GLRB: variants seen among roughly 807,000 people sequenced by gnomAD.
The protein encoded by GLRB is glycine receptor subunit beta.
GLRB carries 33 observed loss-of-function variants against 54.2 expected under a neutral mutation model. The observed-to-expected ratio is 0.61, with a 90% confidence interval of 0.46 to 0.81. GLRB has a LOEUF of 0.81. Among genes scored for constraint, GLRB ranks in the 40% least tolerant of loss-of-function variants. The pLI is 0.00. For missense variants in GLRB, 572 were observed against 584.6 expected, an observed-to-expected ratio of 0.98 and a Z score of 0.22; for synonymous variants, 209 against 208.2, an observed-to-expected ratio of 1.00 and a Z score of -0.03.
intron 2 of GLRB, among the ~76,000 whole-genome samples, chr4:157,087,520 G>C (rs1331050621): frequency 6.6e-6 from 1 of 151,918 alleles, no homozygotes; most frequent in African/African-American, 2.4e-5. Context: ...TTATAATCAG[G>C]GTTAACTATT....
chr4:157,117,974 G>A (rs1427443740), intron 2 of GLRB, among the ~76,000 whole-genome samples: 1 of 151,546 alleles, frequency 6.6e-6, no homozygotes, highest in Admixed American at 6.6e-5. Context: ...AAGAAGATGA[G>A]GTTTAAAAGG....
intron 4 of GLRB, among the ~76,000 whole-genome samples, chr4:157,130,033 G>C (rs892541259): frequency 1.3e-5 from 2 of 151,542 alleles, no homozygotes; most frequent in African/African-American, 4.8e-5. Flanking sequence ...AAATGAAAAA[G>C]TTTTTTAGCA....
At chr4:157,161,051 T>C in intron 9 of GLRB, among the ~76,000 whole-genome samples, 1 of 152,204 alleles carries the variant, frequency 6.6e-6, no homozygotes, top group Non-Finnish European at 1.5e-5. Flanking sequence ...GATAGTTAGC[T>C]CTTCTTGTTG....
intron 9 of GLRB, among the ~76,000 whole-genome samples, chr4:157,169,557 A>G (rs1177725560): frequency 6.6e-6 from 1 of 151,978 alleles, no homozygotes; most frequent in Non-Finnish European, 1.5e-5. Context: ...CAAAAAGTTG[A>G]CCCTCTATAT....
intron 4 of GLRB, among the ~76,000 whole-genome samples, chr4:157,123,447 G>A (rs1444136437): frequency 6.6e-6 from 1 of 151,694 alleles, no homozygotes; most frequent in African/African-American, 2.4e-5. Context: ...TGTGATGAGA[G>A]TGTTATTTAT....
intron 2 of GLRB, among the ~76,000 whole-genome samples, chr4:157,108,872 A>C (rs2126501716): frequency 6.6e-6 from 1 of 152,194 alleles, no homozygotes; most frequent in East Asian, 1.9e-4. Context: ...GTCTATTTTA[A>C]GAAATTGCCA....
At chr4:157,169,529 C>A in intron 9 of GLRB, among the ~76,000 whole-genome samples, 1 of 151,970 alleles carries the variant, frequency 6.6e-6, no homozygotes, top group East Asian at 1.9e-4. Context: ...GCAGTCTGCC[C>A]TGTGGAACCT....
intron 8 of GLRB, among the ~76,000 whole-genome samples, chr4:157,149,402 A>G (rs1340576080): frequency 6.6e-6 from 1 of 152,116 alleles, no homozygotes; most frequent in Non-Finnish European, 1.5e-5. Flanking sequence ...GCACAGAACT[A>G]TTGAAGTAAC....
intron 2 of GLRB, among the ~76,000 whole-genome samples, chr4:157,103,193 T>C (rs1030268188): frequency 1.4e-5 from 2 of 143,782 alleles, no homozygotes; most frequent in East Asian, 4.0e-4. Flanking sequence ...GTAGGGACAA[T>C]AGGGACACAA....
chr4:157,113,261 G>GT (rs1478398513), intron 2 of GLRB, among the ~76,000 whole-genome samples: 2 of 151,814 alleles, frequency 1.3e-5, no homozygotes, highest in East Asian at 1.9e-4. Context: ...GTTAGAAGTC[G>GT]TAACTATGGA....
chr4:157,123,401 G>A (rs1735904067), intron 4 of GLRB, among the ~76,000 whole-genome samples: 1 of 151,672 alleles, frequency 6.6e-6, no homozygotes, highest in African/African-American at 2.4e-5. Flanking sequence ...ATTGTACATT[G>A]CATTTAATTA....
At chr4:157,159,771 C>T (rs1206914741) in intron 9 of GLRB, among the ~76,000 whole-genome samples, 3 of 152,134 alleles carry the variant, frequency 2.0e-5, no homozygotes, top group Admixed American at 2.0e-4. Context: ...TGATGTTCAT[C>T]CGGGATATTC....
At chr4:157,115,848 A>C (rs992691302) in intron 2 of GLRB, among the ~76,000 whole-genome samples, 1 of 151,844 alleles carries the variant, frequency 6.6e-6, no homozygotes, top group Non-Finnish European at 1.5e-5. Flanking sequence ...GTTCATGTCC[A>C]GCTGAAAGCT....
At chr4:157,158,833 A>G (rs1737343642) in intron 9 of GLRB, among the ~76,000 whole-genome samples, 1 of 152,098 alleles carries the variant, frequency 6.6e-6, no homozygotes, top group South Asian at 2.1e-4. Context: ...TAGGTTCCAT[A>G]TGAACTTTAA....
At position 157,136,699 on chromosome 4, in the gene GLRB, G is replaced by A; in HGVS notation, c.527+1G>A. On this transcript the variant is annotated splice_donor_variant, in intron 5 of 9. Transcript: ENST00000264428. LOFTEE classifies it high-confidence loss of function. ...ATGGAGATGTCCTTGTCAGCATGAG[G>A]TACTCTTTTATATTTCATATTTGTG... 1 of 1,567,594 alleles carries A rather than the reference G, an allele frequency of 6.4e-7. No homozygotes were observed. The highest frequency in any genetic ancestry group is 8.8e-7 in the Non-Finnish European group (1 of 1,137,856).
chr4:157,122,426 T>A, intron 4 of GLRB, 29 bp downstream of exon 4: 4 of 835,146 alleles, frequency 4.8e-6, no homozygotes, highest in Non-Finnish European at 8.1e-6. Flanking sequence ...TAATATTTTG[T>A]CAAATATTTC....
intron 2 of GLRB, among the ~76,000 whole-genome samples, chr4:157,112,696 G>A (rs1009723396): frequency 6.6e-6 from 1 of 151,846 alleles, no homozygotes; most frequent in African/African-American, 2.4e-5. Flanking sequence ...GGCCCTTCAG[G>A]GTTGTCTTAA....
At chr4:157,163,301 A>C (rs534105393) in intron 9 of GLRB, among the ~76,000 whole-genome samples, 2 of 151,820 alleles carry the variant, frequency 1.3e-5, no homozygotes, top group African/African-American at 4.8e-5. Flanking sequence ...GCAGTGCCCC[A>C]CCCTGCTCCA....
At position 157,171,362 on chromosome 4, in the gene GLRB, G is replaced by T. The variant is rs1486311758; in HGVS notation, c.*634G>T. On this transcript the variant is annotated 3_prime_UTR_variant, in exon 10 of 10. Coordinates refer to ENST00000264428, the MANE Select transcript of GLRB (RefSeq NM_000824.5). ...ACACAGTGAGCATTTTTAAACAAAG[G>T]GAAACCTATATTTATGTAACTGTAT... 1 of 152,008 alleles carries T rather than the reference G, an allele frequency of 6.6e-6. No homozygotes were observed. The highest frequency in any genetic ancestry group is 2.4e-5 in the African/African-American group (1 of 41,350). The allele number at this position is 152,008 out of a possible 1,614,324, so 9.4% of individuals were successfully genotyped here. A position where few individuals can be genotyped will look rare whatever the true frequency, so the allele number is the denominator to read the frequency against.
Sources: allele counts gnomAD v4.1 joint callset (sites outside exome capture counted in the v4.1 genomes callset), GRCh38; gene constraint gnomAD v4.1.1; transcripts MANE v1.5; gene names NCBI Gene and HGNC (gene_info 2026-07-23, HGNC 2026-07-21).